PPM1K: variants seen among roughly 807,000 people sequenced by gnomAD.
PPM1K encodes protein phosphatase Mn(2+)-dependent 1K.
A neutral mutation model predicts 32.6 loss-of-function variants in PPM1K; 19 were observed. The ratio of observed to expected loss-of-function variants is 0.58; its 90% CI spans 0.41 to 0.86. The LOEUF (loss-of-function observed/expected upper bound fraction) is 0.86. PPM1K is among the 40% of genes least tolerant of loss of function. The pLI, the probability that PPM1K is intolerant of heterozygous loss-of-function variation, is 0.00. For synonymous variants in PPM1K, 159 were observed against 165.3 expected, an observed-to-expected ratio of 0.96 and a Z score of 0.29; for missense variants, 362 against 461.2, an observed-to-expected ratio of 0.78 and a Z score of 1.97.
At chr4:88,275,478 T>TA (rs1279399578) in intron 3 of PPM1K, 1 of 985,328 alleles carries the variant, frequency 1.0e-6, no homozygotes, top group Non-Finnish European at 1.2e-6. Flanking sequence ...TGTCATATTT[T>TA]ACATCAAGTC....
At position 88,277,130 on chromosome 4, in the gene PPM1K, T is replaced by C. The variant is rs755990615; in HGVS notation, c.541+13A>G. On this transcript the variant is annotated intron_variant, in intron 3 of 6. Coordinates refer to ENST00000608933, the MANE Select transcript of PPM1K (RefSeq NM_152542.5). ...ACTCCCTAGGATCCAAGGAATGTGA[T>C]AGTTTTACATACCATCAGCAGACAG... 9 of 1,594,784 alleles carry C rather than the reference T, an allele frequency of 5.6e-6. No individual in the cohort carries two copies. The East Asian group carries it at 1.1e-4, about 20-fold the overall frequency.
chr4:88,265,663 C>A (rs1245494255), intron 5 of PPM1K, among the ~76,000 whole-genome samples: 1 of 152,156 alleles, frequency 6.6e-6, no homozygotes, highest in Non-Finnish European at 1.5e-5. Flanking sequence ...AAAGTAGTAA[C>A]ATTTAGAATT....
At chr4:88,266,620 T>A (rs575626045) in intron 5 of PPM1K, among the ~76,000 whole-genome samples, 1 of 148,412 alleles carries the variant, frequency 6.7e-6, no homozygotes, top group African/African-American at 2.5e-5. Flanking sequence ...GTTGGCTGAT[T>A]GGGTGCAGGT....
At chr4:88,274,226 C>A (rs1225130347) in intron 3 of PPM1K, among the ~76,000 whole-genome samples, 1 of 152,202 alleles carries the variant, frequency 6.6e-6, no homozygotes. Context: ...TAGTAATTCA[C>A]TTCTATGGTT....
intron 3 of PPM1K, chr4:88,276,188 T>C (rs1313010558): frequency 2.0e-6 from 2 of 985,456 alleles, no homozygotes; most frequent in Non-Finnish European, 2.4e-6. Context: ...CTTCAGTTCC[T>C]TCGCTGTGAA....
intron 3 of PPM1K, among the ~76,000 whole-genome samples, chr4:88,269,277 T>C (rs1164991033): frequency 6.6e-6 from 1 of 152,196 alleles, no homozygotes; most frequent in Non-Finnish European, 1.5e-5. Context: ...AGGTTGGCTA[T>C]GATGGTGGGA....
At chr4:88,272,352 C>T (rs1731595159) in intron 3 of PPM1K, among the ~76,000 whole-genome samples, 1 of 152,112 alleles carries the variant, frequency 6.6e-6, no homozygotes, top group South Asian at 2.1e-4. Context: ...ATATGAAGAA[C>T]ATAAAAGTTT....
chr4:88,266,631 G>A (rs796983197), intron 5 of PPM1K, among the ~76,000 whole-genome samples: 6 of 150,760 alleles, frequency 4.0e-5, no homozygotes, highest in African/African-American at 1.5e-4. Context: ...GGGTGCAGGT[G>A]ATGCTGATTG....
At chr4:88,276,312 C>G (rs1175605062) in intron 3 of PPM1K, 4 of 985,238 alleles carry the variant, frequency 4.1e-6, no homozygotes, top group Non-Finnish European at 4.8e-6. Flanking sequence ...AAATACAGAT[C>G]AAGATTATTG....
chr4:88,278,426 T>G lies in PPM1K; in HGVS notation c.158A>C (p.Asp53Ala). ...SEPRCSRFDP[D>A]GSGSPATWDN... ...CCAGGTAGCTGGACTCCCACTACCA[T>G]CTGGGTCAAACCGAGAACACCTAGG... is the stretch of plus-strand genomic sequence containing the variant. The change falls in exon 2 of 7, where the codon GAT becomes GCT. Residue 53 changes from aspartate (D) to alanine (A), a missense_variant. Physicochemically the swap from Asp to Ala is moderately radical, Grantham distance 126. Transcript: ENST00000608933. The surrounding 1 kb of genome is among the most constrained non-coding windows in gnomAD (Gnocchi z 4.2). The G allele has an allele frequency of 6.2e-7, 1 of 1,614,186 alleles. No homozygotes were observed. Among genetic ancestry groups the G allele is most frequent in the Non-Finnish European group, 8.5e-7 (1 of 1,180,034 alleles).
rs1731012969 is a variant in PPM1K, at chr4:88,258,921, C to T, written c.*3674G>A. On this transcript the variant is annotated 3_prime_UTR_variant, in exon 7 of 7. Coordinates refer to ENST00000608933, the MANE Select transcript of PPM1K (RefSeq NM_152542.5). ...CCAATATGGCAAAACCCCATCTCTA[C>T]TAAAAATACAAAAAAATTAGCCGGG... The T allele has an allele frequency of 6.6e-6, 1 of 151,806 alleles. No homozygotes were observed. The highest frequency in any genetic ancestry group is 2.4e-5 in the African/African-American group (1 of 41,294). The allele number at this position is 151,806 out of a possible 1,614,324, so 9.4% of individuals were successfully genotyped here.
In PPM1K at chr4:88,278,063, T is replaced by C; in HGVS notation, c.440+81A>G. 1 of 1,197,396 alleles carries C rather than the reference T, an allele frequency of 8.4e-7. No homozygotes were observed. The allele number at this position is 1,197,396 out of a possible 1,614,324, so 74.2% of individuals were successfully genotyped here. A position where few individuals can be genotyped will look rare whatever the true frequency, so the allele number is the denominator to read the frequency against. ...ACCACTCAAGTAACTATGTTTACGC[T>C]GGAAGCCTCAGCCAAAGGGTGAAAG... On this transcript the variant is annotated intron_variant, in intron 2 of 6. Transcript: ENST00000608933. The surrounding 1 kb of genome is among the most constrained non-coding windows in gnomAD (Gnocchi z 4.2).
chr4:88,270,672 A>G (rs1028761363), intron 3 of PPM1K, among the ~76,000 whole-genome samples: 12 of 152,194 alleles, frequency 7.9e-5, no homozygotes, highest in Non-Finnish European at 1.6e-4. Flanking sequence ...TTTCTTAAAA[A>G]TGGTTTATTA....
At chr4:88,282,438 T>C (rs1732051062) in intron 1 of PPM1K, among the ~76,000 whole-genome samples, 2 of 152,236 alleles carry the variant, frequency 1.3e-5, no homozygotes, top group Admixed American at 6.5e-5. Context: ...TTTAGGTATC[T>C]ACAACTTCCA....
intron 1 of PPM1K, among the ~76,000 whole-genome samples, chr4:88,281,462 T>C (rs1732001291): frequency 1.3e-5 from 2 of 152,164 alleles, no homozygotes; most frequent in Non-Finnish European, 2.9e-5. Flanking sequence ...AAAATGCAAA[T>C]TGAGCAGTTT....
At chr4:88,282,907 C>T (rs572977309) in intron 1 of PPM1K, among the ~76,000 whole-genome samples, 1 of 152,332 alleles carries the variant, frequency 6.6e-6, no homozygotes, top group African/African-American at 2.4e-5. Flanking sequence ...CAGCCACTCT[C>T]CTCTCTTCTT....
At chr4:88,267,276 G>C (rs925667415) in intron 5 of PPM1K, among the ~76,000 whole-genome samples, 1 of 146,544 alleles carries the variant, frequency 6.8e-6, no homozygotes, top group Non-Finnish European at 1.5e-5. Flanking sequence ...GGCTGATTGG[G>C]TGCAGGTGAT....
At chr4:88,282,096 AAG>A (rs2110176129) in intron 1 of PPM1K, among the ~76,000 whole-genome samples, 1 of 152,314 alleles carries the variant, frequency 6.6e-6, no homozygotes, top group South Asian at 2.1e-4. Context: ...TCCACAAACT[AAG>A]AGAGAGAAGG....
At chr4:88,280,893 C>T (rs1446679552) in intron 1 of PPM1K, among the ~76,000 whole-genome samples, 1 of 152,062 alleles carries the variant, frequency 6.6e-6, no homozygotes, top group Non-Finnish European at 1.5e-5. Context: ...TAACACATTC[C>T]ATTGCAAGAG....
Sources: allele counts gnomAD v4.1 joint callset (sites outside exome capture counted in the v4.1 genomes callset), GRCh38; gene constraint gnomAD v4.1.1; non-coding constraint Gnocchi (gnomAD v3.1); transcripts MANE v1.5; gene names NCBI Gene and HGNC (gene_info 2026-07-23, HGNC 2026-07-21).